PROZ: variants seen among roughly 807,000 people sequenced by gnomAD.
The protein encoded by PROZ is protein Z, vitamin K dependent plasma glycoprotein, also known as vitamin K-dependent protein Z.
PROZ carries 46 observed loss-of-function variants against 34.9 expected under a neutral mutation model. The ratio of observed to expected loss-of-function variants is 1.32; its 90% confidence interval spans 1.04 to 1.69. PROZ has a LOEUF of 1.69. PROZ is among the 40% of genes most tolerant of loss of function. The pLI, the probability that PROZ is intolerant of heterozygous loss-of-function variation, is 0.00. For synonymous variants in PROZ, 195 were observed against 208.5 expected, an observed-to-expected ratio of 0.94 and a Z score of 0.56; for missense variants, 530 against 520.4, an observed-to-expected ratio of 1.02 and a Z score of -0.18.
intron 6 of PROZ, among the ~76,000 whole-genome samples, chr13:113,166,611 A>T (rs1450300942): frequency 1.3e-5 from 2 of 152,234 alleles, no homozygotes; most frequent in Admixed American, 1.3e-4. Flanking sequence ...AGGGAGGCAA[A>T]GCAGACGGAG....
chr13:113,168,374 T>C (rs566463922), intron 6 of PROZ, among the ~76,000 whole-genome samples: 8 of 152,210 alleles, frequency 5.3e-5, no homozygotes, highest in Non-Finnish European at 1.2e-4. Context: ...TTCTTGCGTT[T>C]GTCTGGAGGA....
Position 113,159,366 on chromosome 13 carries a change from C to A in PROZ, c.70+636C>A. On this transcript the variant is annotated intron_variant, in intron 1 of 7. Coordinates refer to ENST00000375547, the MANE Select transcript of PROZ (RefSeq NM_003891.3). The surrounding 1 kb of genome is among the most constrained non-coding windows in gnomAD (Gnocchi z 4.6). ...GATCCCCCCGCCCTGCCCTGCCCAG[C>A]ACTTACCGTAGCCGGACTTAGCTGA... The A allele has an allele frequency of 1.6e-6, 2 of 1,269,498 alleles. No individual in the cohort carries two copies. Among genetic ancestry groups the A allele is most frequent in the Non-Finnish European group, 2.2e-6 (2 of 899,362 alleles). 78.6% of individuals were successfully genotyped at this position (1,269,498 alleles called of 1,614,324 possible). A position where few individuals can be genotyped will look rare whatever the true frequency, so the allele number is the denominator to read the frequency against.
At chr13:113,160,439 G>T (rs1034247382) in intron 2 of PROZ, among the ~76,000 whole-genome samples, 5 of 152,180 alleles carry the variant, frequency 3.3e-5, no homozygotes, top group Admixed American at 1.3e-4. Flanking sequence ...CCCACACACT[G>T]ATCAGACACC....
Position 113,159,339 on chromosome 13 carries a change from G to C in PROZ, c.70+609G>C, listed in dbSNP as rs1261967751. On this transcript the variant is annotated intron_variant, in intron 1 of 7. Coordinates refer to ENST00000375547, the MANE Select transcript of PROZ (RefSeq NM_003891.3). This position sits in a 1 kb window ranked among gnomAD's most constrained non-coding sequence, Gnocchi z 4.6. Reference sequence around the variant, plus strand: ...CCCCATGGTCTCCCACCCTGAGAGGGTGATCCCCCCGCCCTGCCCTGCCCA... The same window carrying C: ...CCCCATGGTCTCCCACCCTGAGAGGCTGATCCCCCCGCCCTGCCCTGCCCA... 1 of 1,425,862 alleles carries C rather than the reference G, an allele frequency of 7.0e-7. No homozygotes were observed. The highest frequency in any genetic ancestry group is 9.7e-7 in the Non-Finnish European group (1 of 1,034,678). 88.3% of individuals were successfully genotyped at this position (1,425,862 alleles called of 1,614,324 possible). A position where few individuals can be genotyped will look rare whatever the true frequency, so the allele number is the denominator to read the frequency against.
chr13:113,170,744 C>T (rs745389593), intron 7 of PROZ, among the ~76,000 whole-genome samples: 3 of 152,004 alleles, frequency 2.0e-5, no homozygotes, highest in Admixed American at 6.6e-5. Context: ...AACTCACACT[C>T]GGCAAGGGAG....
At chr13:113,163,966 C>CTTT (rs34345554) in intron 4 of PROZ, among the ~76,000 whole-genome samples, 155 of 145,514 alleles carry the variant, frequency 1.1e-3, no homozygotes, top group Admixed American at 2.3e-3. Flanking sequence ...CTCATGGAGT[C>CTTT]TTTTTTTTTT....
At chr13:113,169,380 T>C (rs147528506) in intron 6 of PROZ, among the ~76,000 whole-genome samples, 1 of 152,386 alleles carries the variant, frequency 6.6e-6, no homozygotes, top group Non-Finnish European at 1.5e-5. Context: ...CACTGTTTAA[T>C]TGTCCTTGTC....
At chr13:113,160,245 A>G in intron 2 of PROZ, 68 bp downstream of exon 2, 2 of 1,559,616 alleles carry the variant, frequency 1.3e-6, no homozygotes, top group South Asian at 2.2e-5. Flanking sequence ...AGGGAGCATC[A>G]TTTCTCAGAG....
rs193168432 is a variant in PROZ at position 113,164,168 on chromosome 13, T to C, written c.374-345T>C. On this transcript the variant is annotated intron_variant, in intron 4 of 7. Transcript: ENST00000375547. ...CTAATTTTTGTATTTTTAGTAGAGA[T>C]GGGGTTTCACCATGTTGGCCAGGCT... is the stretch of plus-strand genomic sequence containing the variant. 1.6e-3 allele frequency among the ~76,000 whole-genome samples: 237 copies of C among 151,920 alleles called. No individual in the cohort carries two copies. The East Asian group carries it at 0.02, about 13-fold the overall frequency.
In PROZ at chr13:113,171,659, T is replaced by C. The variant is rs2037115075; in HGVS notation, c.757T>C (p.Tyr253His). ...KITHVHVHMR[Y>H]DADAGENDLS... is the part of the protein sequence containing the mutation. ...AACGCACGTCCATGTGCACATGCGG[T>C]ATGACGCGGACGCGGGGGAGAATGA... Residue 253 changes from tyrosine (Y) to histidine (H), a missense_variant, in exon 8 of 8, where the codon TAT (tyrosine) becomes CAT (histidine). By Grantham distance (83) the Tyr-to-His change is moderately conservative (BLOSUM62 2). Transcript: ENST00000375547. The surrounding 1 kb of genome is among the most constrained non-coding windows in gnomAD (Gnocchi z 5.1). 2 of 1,614,060 alleles carry C rather than the reference T, an allele frequency of 1.2e-6. No individual in the cohort carries two copies. The highest frequency in any genetic ancestry group is 2.7e-5 in the African/African-American group (2 of 75,052).
chr13:113,171,786 G>A lies in PROZ; in HGVS notation c.884G>A (p.Arg295His), dbSNP rs3024772. The A allele has an allele frequency of 0.03, 48,145 of 1,612,768 alleles. 877 individuals are homozygous for A. The highest frequency in any genetic ancestry group is 0.035 in the Non-Finnish European group (41,742 of 1,179,246). ...KDFAEHLLIP[R>H]TRGLLSGWAR... The stretch of plus-strand genomic sequence containing the variant: ...TTCGCTGAGCACCTCCTCATCCCAC[G>A]CACCAGGGGCCTCCTCAGCGGCTGG... The change falls in exon 8 of 8, where the codon CGC (arginine) becomes CAC (histidine). Residue 295 changes from arginine (R) to histidine (H), a missense_variant. Arg to His is a conservative substitution (Grantham distance 29). Transcript: ENST00000375547. This position sits in a 1 kb window ranked among gnomAD's most constrained non-coding sequence, Gnocchi z 5.1.
chr13:113,166,749 G>C (rs1389408018), intron 6 of PROZ, among the ~76,000 whole-genome samples: 1 of 152,216 alleles, frequency 6.6e-6, no homozygotes, highest in Non-Finnish European at 1.5e-5. Context: ...TGCCCCATGA[G>C]TGCGCTGAGG....
chr13:113,160,866 C>T, intron 2 of PROZ, 82 bp from the exon 3 acceptor site: 2 of 1,253,440 alleles, frequency 1.6e-6, no homozygotes, highest in Non-Finnish European at 2.3e-6. Context: ...TCAACATTTT[C>T]TTACCTTCAA....
At chr13:113,170,187 C>T (rs900842386) in intron 6 of PROZ, among the ~76,000 whole-genome samples, 2 of 152,040 alleles carry the variant, frequency 1.3e-5, no homozygotes, top group South Asian at 2.1e-4. Flanking sequence ...GGGGAAGTGC[C>T]GGCCCCATTT....
chr13:113,168,208 G>A (rs1055848050), intron 6 of PROZ, among the ~76,000 whole-genome samples: 1 of 152,260 alleles, frequency 6.6e-6, no homozygotes, highest in Non-Finnish European at 1.5e-5. Context: ...TACATATATA[G>A]TGGAATGCGG....
intron 5 of PROZ, 134 bp downstream of exon 5, chr13:113,164,778 C>T (rs892757343): frequency 6.5e-6 from 9 of 1,386,812 alleles, no homozygotes; most frequent in Non-Finnish European, 9.0e-6. Flanking sequence ...AGGTGGTCCG[C>T]GTCTCCACGC....
rs573889868 is a variant in PROZ at position 113,171,330 on chromosome 13, T to G, written c.692-264T>G. Among the ~76,000 whole-genome samples, 1 of 152,300 alleles carries G rather than the reference T, an allele frequency of 6.6e-6. No individual in the cohort carries two copies. Among genetic ancestry groups the G allele is most frequent in the Non-Finnish European group, 1.5e-5 (1 of 68,022 alleles). ...TCACTGCTTCCTGCTTTTTAATCAT[T>G]TCACCACACCCCACTGCACTCCAAA... is the stretch of plus-strand genomic sequence containing the variant. On this transcript the variant is annotated intron_variant, in intron 7 of 7. Transcript: ENST00000375547. This position sits in a 1 kb window ranked among gnomAD's most constrained non-coding sequence, Gnocchi z 5.1.
chr13:113,165,233 G>A, intron 6 of PROZ, 113 bp downstream of exon 6: 1 of 1,138,062 alleles, frequency 8.8e-7, no homozygotes, highest in Non-Finnish European at 1.3e-6. Flanking sequence ...TGACTTTGAT[G>A]GGCTACTGAC....
chr13:113,165,282 C>G, intron 6 of PROZ, 162 bp downstream of exon 6: 1 of 727,212 alleles, frequency 1.4e-6, no homozygotes, highest in Non-Finnish European at 2.4e-6. Flanking sequence ...CAACCATGTT[C>G]TAATGCCGAG....
Sources: allele counts gnomAD v4.1 joint callset (sites outside exome capture counted in the v4.1 genomes callset), GRCh38; gene constraint gnomAD v4.1.1; non-coding constraint Gnocchi (gnomAD v3.1); transcripts MANE v1.5; gene names NCBI Gene and HGNC (gene_info 2026-07-23, HGNC 2026-07-21).